The following CCDC187 variants were observed in gnomAD, a reference collection of about 807,000 sequenced individuals.
CCDC187 encodes coiled-coil domain containing 187.
In CCDC187, 32 loss-of-function variants were observed where a neutral mutation model predicts 38.0. That is an observed-to-expected ratio of 0.84 (90% CI 0.64 to 1.13). The LOEUF (loss-of-function observed/expected upper bound fraction) is 1.13, where lower values mean the gene tolerates loss of function less well. CCDC187 is among the 50% of genes most tolerant of loss of function. The probability of loss-of-function intolerance (pLI) is 0.00; values close to 1 mark genes in which losing one functional copy is unlikely to be tolerated. For missense variants in CCDC187, 707 were observed against 786.8 expected, an observed-to-expected ratio of 0.90 and a Z score of 1.21; for synonymous variants, 333 against 347.9, an observed-to-expected ratio of 0.96 and a Z score of 0.48.
intron 14 of CCDC187, among the ~76,000 whole-genome samples, chr9:136,268,464 G>A (rs1238797082): frequency 4.6e-5 from 7 of 152,268 alleles, no homozygotes; most frequent in South Asian, 2.1e-4. Flanking sequence ...GGCTGTCGGG[G>A]TCTAGCACCA....
intron 4 of CCDC187, among the ~76,000 whole-genome samples, chr9:136,293,537 A>G (rs901273567): frequency 7.3e-5 from 10 of 137,352 alleles, no homozygotes; most frequent in African/African-American, 2.7e-4. Context: ...ACGCTTACAC[A>G]CTCACACTGA....
intron 14 of CCDC187, among the ~76,000 whole-genome samples, chr9:136,270,607 G>C (rs34326678): frequency 0.31 from 46,774 of 152,140 alleles, 8,316 homozygotes; most frequent in Non-Finnish European, 0.4. Flanking sequence ...GCACCACAGG[G>C]AGGGGTTTAG....
chr9:136,284,741 T>G (rs1306902964), intron 9 of CCDC187, among the ~76,000 whole-genome samples: 1 of 151,168 alleles, frequency 6.6e-6, no homozygotes, highest in Non-Finnish European at 1.5e-5. Context: ...AGGGGGTTTT[T>G]TCAGGAGAGG....
chr9:136,268,909 G>C (rs2131177897), intron 14 of CCDC187, among the ~76,000 whole-genome samples: 2 of 152,296 alleles, frequency 1.3e-5, no homozygotes. Context: ...GGGAGGGGAA[G>C]CTGGCTGAGC....
At chr9:136,273,582 G>A (rs1830876400) in intron 14 of CCDC187, among the ~76,000 whole-genome samples, 1 of 152,176 alleles carries the variant, frequency 6.6e-6, no homozygotes, top group Admixed American at 6.5e-5. Flanking sequence ...TTCAATTCCA[G>A]TCTCTTATTC....
rs960369379 is a variant in CCDC187, at chr9:136,291,796, G to A, written c.968-151C>T. ...GAAGCCCTCTGAGGGTGGGCACCAC[G>A]CCTGTGTGATGAGCCACCGCTCTGC... On this transcript the variant is annotated intron_variant, in intron 5 of 25. Coordinates refer to ENST00000638797, the MANE Select transcript of CCDC187 (RefSeq NM_001378188.1). Among the ~76,000 whole-genome samples the A allele has an allele frequency of 1.7e-4, 26 of 152,286 alleles. No homozygotes were observed. In the East Asian group the frequency reaches 2.5e-3, roughly 15 times the overall value.
Position 136,256,228 on chromosome 9 carries a change from C to T in CCDC187, c.4599G>A (p.Trp1533Ter). The change falls in exon 24 of 26, where the codon TGG becomes TGA. Residue 1533 changes from tryptophan to a stop codon, truncating the protein, a stop_gained. Coordinates refer to ENST00000638797, the MANE Select transcript of CCDC187 (RefSeq NM_001378188.1). LOFTEE classifies it high-confidence loss of function. ...CCCCACACCTCTGCTCCCCCGATCGCCAGCTCTCGGTTTCCTGGGACTCCT... is the reference window on the plus strand; with the variant it reads ...CCCCACACCTCTGCTCCCCCGATCGTCAGCTCTCGGTTTCCTGGGACTCCT... ...PVEESQETESWRSGEQRTEAC... is the reference protein window; with the variant it reads ...PVEESQETES 2 of 985,620 alleles carry T rather than the reference C, an allele frequency of 2.0e-6. No individual in the cohort carries two copies. Among genetic ancestry groups the T allele is most frequent in the African/African-American group, 1.7e-5 (1 of 57,360 alleles). 61.1% of individuals were successfully genotyped at this position (985,620 alleles called of 1,614,324 possible).
Position 136,289,976 on chromosome 9 carries a change from GC to G in CCDC187, c.2204del (p.Gly735AlafsTer12), listed in dbSNP as rs1462005629. Reference sequence around the variant, plus strand: ...ACACCCACCTGCCTGGGGCTTCCTGGCCCCCCAGCACCATGCCAGAGGTCAC... The same window carrying G: ...ACACCCACCTGCCTGGGGCTTCCTGGCCCCCAGCACCATGCCAGAGGTCAC... ...SKVTSGMVLG[G>X]QEAPGSFCLC... is the part of the protein sequence containing the mutation. On this transcript the variant is annotated frameshift_variant, in exon 7 of 26. Coordinates refer to ENST00000638797, the MANE Select transcript of CCDC187 (RefSeq NM_001378188.1). LOFTEE classifies it high-confidence loss of function. The G allele has an allele frequency of 5.0e-6, 2 of 398,522 alleles. No individual in the cohort carries two copies. Among genetic ancestry groups the G allele is most frequent in the African/African-American group, 4.1e-5 (2 of 48,568 alleles). The allele number at this position is 398,522 out of a possible 1,614,324, so 24.7% of individuals were successfully genotyped here. A position where few individuals can be genotyped will look rare whatever the true frequency, so the allele number is the denominator to read the frequency against.
Position 136,251,082 on chromosome 9 carries a change from G to A in CCDC187, c.*2512C>T, listed in dbSNP as rs1262371297. The A allele has an allele frequency of 6.6e-6, 3 of 453,932 alleles. No homozygotes were observed. The highest frequency in any genetic ancestry group is 1.3e-5 in the Non-Finnish European group (3 of 225,146). 28.1% of individuals were successfully genotyped at this position (453,932 alleles called of 1,614,324 possible). ...GTATGCTCCTCTCTGAAGTGGAGGA[G>A]GCCTGAGGCCCTGGACAGGAGAAGC... On this transcript the variant is annotated 3_prime_UTR_variant, in exon 26 of 26. Transcript: ENST00000638797.
At chr9:136,300,678 A>G (rs1831657105) in intron 2 of CCDC187, among the ~76,000 whole-genome samples, 1 of 151,360 alleles carries the variant, frequency 6.6e-6, no homozygotes, top group Non-Finnish European at 1.5e-5. Context: ...GCTCACTGCA[A>G]CCTCCACCTC....
intron 9 of CCDC187, among the ~76,000 whole-genome samples, chr9:136,283,987 C>A (rs1831110022): frequency 6.6e-6 from 1 of 152,150 alleles, no homozygotes; most frequent in Non-Finnish European, 1.5e-5. Context: ...GGGGCACAAC[C>A]CAAAGGCCCT....
At chr9:136,256,540 A>G (rs1830614809) in intron 23 of CCDC187, among the ~76,000 whole-genome samples, 165 bp downstream of exon 23, 1 of 152,182 alleles carries the variant, frequency 6.6e-6, no homozygotes, top group Admixed American at 6.5e-5. Context: ...CCAGGTGTTG[A>G]GTCTTAGGGT....
chr9:136,292,221 C>G lies in CCDC187; in HGVS notation c.907G>C (p.Val303Leu). ...TCCTTGCTATGGTGCCTGCGGAGGA[C>G]GGGAGGGGGCCCAAGCAGCGACCTC... is the stretch of plus-strand genomic sequence containing the variant. ...LVRSLLGPPP[V>L]LRRHHSKDPS... Residue 303 changes from valine to leucine, a missense_variant, in exon 5 of 26, where the codon GTC (valine) becomes CTC (leucine). Physicochemically the swap from Val to Leu is conservative, Grantham distance 32. Coordinates refer to ENST00000638797, the MANE Select transcript of CCDC187 (RefSeq NM_001378188.1). 2.5e-6 allele frequency: 1 copy of G among 398,804 alleles called. No homozygotes were observed. The highest frequency in any genetic ancestry group is 4.4e-6 in the Non-Finnish European group (1 of 226,198). 24.7% of individuals were successfully genotyped at this position (398,804 alleles called of 1,614,324 possible).
intron 6 of CCDC187, among the ~76,000 whole-genome samples, chr9:136,290,284 G>A (rs1831287168): frequency 6.7e-6 from 1 of 149,268 alleles, no homozygotes; most frequent in African/African-American, 2.4e-5. Flanking sequence ...CACCTCACCA[G>A]GGCCTCCCCC....
chr9:136,266,010 C>T lies in CCDC187; in HGVS notation c.3681G>A (p.Leu1227=). 1 of 985,524 alleles carries T rather than the reference C, an allele frequency of 1.0e-6. No homozygotes were observed. Among genetic ancestry groups the T allele is most frequent in the African/African-American group, 1.7e-5 (1 of 57,380 alleles). The allele number at this position is 985,524 out of a possible 1,614,324, so 61.0% of individuals were successfully genotyped here. Residue 1227 remains leucine (L), a synonymous_variant, in exon 17 of 26, where the codon CTG becomes CTA. Coordinates refer to ENST00000638797, the MANE Select transcript of CCDC187 (RefSeq NM_001378188.1). ...GCTGCTGCTTCTCAACCAGCGCGGC[C>T]AGCACAGCTCTGTCCCTCTTGCTGT... ...CLDSKRDRAV[L]AALVEKQQQA... is the part of the protein sequence containing the mutation.
intron 2 of CCDC187, among the ~76,000 whole-genome samples, chr9:136,301,094 T>G (rs1414491455): frequency 6.6e-6 from 1 of 152,158 alleles, no homozygotes; most frequent in African/African-American, 2.4e-5. Flanking sequence ...TGGGTGGGAT[T>G]TGGACCACGT....
rs1392983810 is a variant in CCDC187 at position 136,264,226 on chromosome 9, A to C, written c.3736-428T>G. 1 of 152,370 alleles carries C rather than the reference A, an allele frequency of 6.6e-6. No homozygotes were observed. The highest frequency in any genetic ancestry group is 1.9e-4 in the East Asian group (1 of 5,190). 9.4% of individuals were successfully genotyped at this position (152,370 alleles called of 1,614,324 possible). On this transcript the variant is annotated intron_variant, in intron 17 of 25. Transcript: ENST00000638797. The surrounding 1 kb of genome is among the most constrained non-coding windows in gnomAD (Gnocchi z 4.3). The stretch of plus-strand genomic sequence containing the variant: ...CCAGGGCCGGGCCGGGCCGTTGCAC[A>C]CTCGCCCTGGGAGACAGCAGCTTCA...
rs969222850 is a variant in CCDC187, at chr9:136,267,366, C to T, written c.3647+18G>A. On this transcript the variant is annotated intron_variant, in intron 16 of 25. Coordinates refer to ENST00000638797, the MANE Select transcript of CCDC187 (RefSeq NM_001378188.1). ...GGGCTACGGCGGGGCGGGGCCGGCG[C>T]CAGGCGCATGCGCTCACCCTCGTCG... 2.0e-6 allele frequency: 2 copies of T among 985,258 alleles called. No individual in the cohort carries two copies. Among genetic ancestry groups the T allele is most frequent in the African/African-American group, 1.7e-5 (1 of 57,190 alleles). The allele number at this position is 985,258 out of a possible 1,614,324, so 61.0% of individuals were successfully genotyped here. A position where few individuals can be genotyped will look rare whatever the true frequency, so the allele number is the denominator to read the frequency against.
At position 136,287,604 on chromosome 9, in the gene CCDC187, G is replaced by A. The variant is rs890688333; in HGVS notation, c.2223-909C>T. ...CTGAGCCCCCACCTCCTCGGCTGCGGCACCCAATTAAAGCCTCTTCCCTGG... is the reference window on the plus strand; with the variant it reads ...CTGAGCCCCCACCTCCTCGGCTGCGACACCCAATTAAAGCCTCTTCCCTGG... On this transcript the variant is annotated intron_variant, in intron 7 of 25. Coordinates refer to ENST00000638797, the MANE Select transcript of CCDC187 (RefSeq NM_001378188.1). Among the ~76,000 whole-genome samples the A allele has an allele frequency of 8.5e-3, 1,294 of 152,330 alleles. 13 individuals are homozygous for A. The highest frequency in any genetic ancestry group is 0.024 in the South Asian group (116 of 4,816).
Sources: allele counts gnomAD v4.1 joint callset (sites outside exome capture counted in the v4.1 genomes callset), GRCh38; gene constraint gnomAD v4.1.1; non-coding constraint Gnocchi (gnomAD v3.1); transcripts MANE v1.5; gene names NCBI Gene and HGNC (gene_info 2026-07-23, HGNC 2026-07-21).